The following PDXDC1 variants were observed in gnomAD, a reference collection of about 807,000 sequenced individuals.
PDXDC1 encodes the protein pyridoxal dependent decarboxylase domain containing 1, also known as pyridoxal-dependent decarboxylase domain-containing protein 1.
Under a neutral mutation model 100.1 loss-of-function variants are expected in PDXDC1, and 42 were observed. The observed-to-expected ratio is 0.42, with a 90% confidence interval of 0.33 to 0.54. The LOEUF (loss-of-function observed/expected upper bound fraction) is 0.54, where lower values mean the gene tolerates loss of function less well. Among genes scored for constraint, PDXDC1 ranks in the 20% least tolerant of loss-of-function variants. The pLI is 0.10. For synonymous variants in PDXDC1, 260 were observed against 371.7 expected (o/e 0.70, Z 3.46); for missense variants, 636 against 979.2 (o/e 0.65, Z 4.68).
intron 16 of PDXDC1, chr16:15,135,140 G>A (rs1598273975): frequency 1.4e-6 from 1 of 728,454 alleles, no homozygotes; most frequent in South Asian, 1.6e-5. Flanking sequence ...GAAGCAGGCT[G>A]TCGTGTTACG....
At chr16:15,095,736 G>A (rs2046331386) in intron 16 of PDXDC1, among the ~76,000 whole-genome samples, 2 of 151,860 alleles carry the variant, frequency 1.3e-5, no homozygotes, top group Admixed American at 1.3e-4. Context: ...TGTAATCCCA[G>A]CTACTTGGGA....
rs922436865 is a variant in PDXDC1 at position 15,096,795 on chromosome 16, C to A, written c.1400-42084C>A. ...GCTCCTACAGCTTATGCAATCCTCT[C>A]ACCTCAGCCGCCCGAACCCACACCA... On this transcript the variant is annotated intron_variant, in intron 16 of 16. Coordinates refer to the PDXDC1 transcript ENST00000535621. Among the ~76,000 whole-genome samples the A allele has an allele frequency of 5.3e-5, 8 of 152,222 alleles. 1 individual carries two copies. The highest frequency in any genetic ancestry group is 1.9e-4 in the African/African-American group (8 of 41,466).
the PDXDC1 span, among the ~76,000 whole-genome samples, chr16:15,144,552 G>T: frequency 6.6e-6 from 1 of 152,154 alleles, no homozygotes; most frequent in African/African-American, 2.4e-5. Context: ...ACAGAGCCCT[G>T]CACGAGGTTC....
chr16:14,993,475 C>T (rs60018955), intron 1 of PDXDC1, among the ~76,000 whole-genome samples: 12,409 of 148,346 alleles, frequency 0.084, 262 homozygotes, highest in Admixed American at 0.17. Context: ...CATGAACTCA[C>T]CATTTTTTAT....
In PDXDC1 at chr16:15,128,335, T is replaced by C. The variant is rs1482443497; in HGVS notation, c.1400-10544T>C. ...GGCTCTGTCGCCATCCAGGTGCCGG[T>C]GGCCGCTCCGGCTGTCCACCCCATA... On this transcript the variant is annotated intron_variant, in intron 16 of 16. Transcript: ENST00000535621. The C allele has an allele frequency of 3.1e-6, 5 of 1,609,086 alleles. No homozygotes were observed. The South Asian group carries it at 3.3e-5, about 11-fold the overall frequency.
At chr16:15,042,922 T>C (rs2043887472), downstream of PDXDC1, among the ~76,000 whole-genome samples, 1 of 131,114 alleles carries the variant, frequency 7.6e-6, no homozygotes, top group Admixed American at 8.1e-5. Context: ...TTTTTTGAGA[T>C]GGAGTTTAGC....
chr16:15,068,112 T>G, intron 16 of PDXDC1: 1 of 1,494,494 alleles, frequency 6.7e-7, no homozygotes, highest in Non-Finnish European at 9.1e-7. Flanking sequence ...CAATACTAGA[T>G]AAACATAAAT....
At chr16:15,032,127 G>A (rs2043104558) in intron 17 of PDXDC1, 3 of 569,566 alleles carry the variant, frequency 5.3e-6, no homozygotes, top group Non-Finnish European at 6.3e-6. Context: ...TGTTCTGTCT[G>A]TAGGTGCCGA....
chr16:15,081,518 T>C (rs1464850586), intron 16 of PDXDC1, among the ~76,000 whole-genome samples: 5 of 152,204 alleles, frequency 3.3e-5, no homozygotes. Context: ...CTTTGCCCAC[T>C]TCAGTTGGGC....
At chr16:15,065,511 A>G in intron 16 of PDXDC1, 1 of 639,864 alleles carries the variant, frequency 1.6e-6, no homozygotes. Flanking sequence ...TAACAATATA[A>G]AGCAGAAAGT....
intron 13 of PDXDC1, chr16:15,025,888 T>C (rs2042559936): frequency 6.6e-6 from 1 of 152,442 alleles, no homozygotes; most frequent in Admixed American, 6.5e-5. Context: ...TGGATTATCA[T>C]AATACATAAT....
chr16:15,066,463 T>C (rs1368683621), intron 16 of PDXDC1, among the ~76,000 whole-genome samples: 1 of 151,734 alleles, frequency 6.6e-6, no homozygotes, highest in Non-Finnish European at 1.5e-5. Flanking sequence ...TGAAACCCCA[T>C]CTCTACTAAA....
At chr16:15,095,934 C>T (rs1200548025) in intron 16 of PDXDC1, among the ~76,000 whole-genome samples, 2 of 149,962 alleles carry the variant, frequency 1.3e-5, no homozygotes, top group East Asian at 2.0e-4. Context: ...CCAGCCTGGG[C>T]AACATATGGT....
At chr16:15,119,245 AGT>A in intron 16 of PDXDC1, 1 of 443,734 alleles carries the variant, frequency 2.3e-6, no homozygotes, top group Admixed American at 3.9e-5. Context: ...GATGGCTGGT[AGT>A]GTTTTTAGGC....
intron 16 of PDXDC1, among the ~76,000 whole-genome samples, chr16:15,100,614 C>A (rs573599015): frequency 2.0e-5 from 3 of 152,172 alleles, no homozygotes; most frequent in Admixed American, 6.5e-5. Context: ...CCCACAGTAA[C>A]ATTCAAAAAT....
chr16:15,145,264 C>A, the PDXDC1 span, among the ~76,000 whole-genome samples: 1 of 152,238 alleles, frequency 6.6e-6, no homozygotes. Flanking sequence ...ACAGATCCAG[C>A]GGGGCAGCCG....
chr16:15,128,729 C>T lies in PDXDC1; in HGVS notation c.1400-10150C>T, dbSNP rs570612757. ...CAACCAGTGACCCGCACCACACACC[C>T]GTCCCTCAGTTCATGCATAGACTGC... On this transcript the variant is annotated intron_variant, in intron 16 of 16. Transcript: ENST00000535621. Among the ~76,000 whole-genome samples the T allele has an allele frequency of 1.4e-4, 21 of 152,238 alleles. 1 individual carries two copies. The South Asian group carries it at 1.4e-3, about 11-fold the overall frequency.
At chr16:15,052,193 G>C (rs1261086821) in intron 16 of PDXDC1, among the ~76,000 whole-genome samples, 1 of 152,196 alleles carries the variant, frequency 6.6e-6, no homozygotes, top group African/African-American at 2.4e-5. Context: ...ATTATGAAGT[G>C]AAAGCAGCCA....
the PDXDC1 span, among the ~76,000 whole-genome samples, chr16:15,146,044 C>T: frequency 4.6e-5 from 7 of 152,168 alleles, no homozygotes; most frequent in African/African-American, 1.7e-4. Context: ...GCAGAACCAC[C>T]CCATACCCTA....
Sources: allele counts gnomAD v4.1 joint callset (sites outside exome capture counted in the v4.1 genomes callset), GRCh38; gene constraint gnomAD v4.1.1; transcripts MANE v1.5; gene names NCBI Gene and HGNC (gene_info 2026-07-23, HGNC 2026-07-21).